Variants in FHIT observed in about 807,000 individuals in gnomAD.
The protein encoded by FHIT is fragile histidine triad diadenosine triphosphatase.
In FHIT, 19 loss-of-function variants were observed where a neutral mutation model predicts 17.9. The ratio of observed to expected loss-of-function variants is 1.06; its 90% confidence interval spans 0.74 to 1.56. FHIT has a LOEUF of 1.56. Among genes scored for constraint, FHIT ranks in the 40% most tolerant of loss-of-function variants. The pLI, the probability that FHIT is intolerant of heterozygous loss-of-function variation, is 0.00. For synonymous variants in FHIT, 81 were observed against 69.7 expected (o/e 1.16, Z -0.81); for missense variants, 248 against 189.2 (o/e 1.31, Z -1.82).
chr3:61,091,585 T>C (rs17687542), intron 2 of FHIT, among the ~76,000 whole-genome samples: 14,974 of 151,832 alleles, frequency 0.099, 836 homozygotes, highest in South Asian at 0.19. Context: ...GTTAGCAAAA[T>C]AGAAAAGAGA....
At chr3:60,167,357 T>C (rs1008007539) in intron 5 of FHIT, among the ~76,000 whole-genome samples, 3 of 152,194 alleles carry the variant, frequency 2.0e-5, no homozygotes, top group Non-Finnish European at 2.9e-5. Flanking sequence ...CTAGTAGGAA[T>C]TATCTAATCA....
At chr3:60,805,812 G>C (rs1243679792) in intron 4 of FHIT, among the ~76,000 whole-genome samples, 1 of 152,104 alleles carries the variant, frequency 6.6e-6, no homozygotes, top group Admixed American at 6.5e-5. Flanking sequence ...GCCCACCTCG[G>C]CCTCCCAAAG....
chr3:60,139,681 C>T (rs1576185604), intron 5 of FHIT, among the ~76,000 whole-genome samples: 1 of 152,118 alleles, frequency 6.6e-6, no homozygotes, highest in South Asian at 2.1e-4. Flanking sequence ...ATTTCTAGAA[C>T]ATAGCACAGT....
chr3:59,879,602 A>G (rs73100635), intron 8 of FHIT, among the ~76,000 whole-genome samples: 3,323 of 152,128 alleles, frequency 0.022, 45 homozygotes, highest in South Asian at 0.063. Context: ...GGACTGCTCC[A>G]AAAAAAACCC....
At chr3:61,059,426 C>T (rs2034348623) in intron 2 of FHIT, among the ~76,000 whole-genome samples, 1 of 145,140 alleles carries the variant, frequency 6.9e-6, no homozygotes, top group African/African-American at 2.6e-5. Flanking sequence ...ATTGAATACC[C>T]ATAAACTGAA....
chr3:59,763,917 G>A (rs1044086640), intron 8 of FHIT, among the ~76,000 whole-genome samples: 3 of 152,188 alleles, frequency 2.0e-5, no homozygotes, highest in East Asian at 1.9e-4. Context: ...GCTAGAAGAC[G>A]AGAGACTGAA....
chr3:60,526,433 C>T (rs565281300), intron 5 of FHIT, among the ~76,000 whole-genome samples: 2 of 152,124 alleles, frequency 1.3e-5, no homozygotes, highest in Non-Finnish European at 1.5e-5. Context: ...CCTAGTGGTG[C>T]CTGCCTCCTA....
chr3:60,712,210 T>C (rs1190876240), intron 4 of FHIT, among the ~76,000 whole-genome samples: 2 of 152,074 alleles, frequency 1.3e-5, no homozygotes, highest in Non-Finnish European at 2.9e-5. Flanking sequence ...TAAAATCCTT[T>C]ACAGACAAGC....
intron 2 of FHIT, among the ~76,000 whole-genome samples, chr3:61,116,278 T>G (rs1437504900): frequency 6.6e-6 from 1 of 152,170 alleles, no homozygotes; most frequent in African/African-American, 2.4e-5. Flanking sequence ...TGTTACTGCA[T>G]AATATCATTA....
At chr3:60,014,763 T>C (rs910279515) in intron 5 of FHIT, among the ~76,000 whole-genome samples, 1 of 149,514 alleles carries the variant, frequency 6.7e-6, no homozygotes, top group Non-Finnish European at 1.5e-5. Flanking sequence ...CTCAGACTAA[T>C]TTTTTTTTTA....
At chr3:60,309,899 T>A (rs532182384) in intron 5 of FHIT, among the ~76,000 whole-genome samples, 74 of 152,304 alleles carry the variant, frequency 4.9e-4, no homozygotes, top group African/African-American at 1.6e-3. Flanking sequence ...TTACTTACTA[T>A]AATTTTTAAA....
At chr3:60,397,324 C>T (rs987613751) in intron 5 of FHIT, among the ~76,000 whole-genome samples, 1 of 152,066 alleles carries the variant, frequency 6.6e-6, no homozygotes, top group African/African-American at 2.4e-5. Flanking sequence ...GAAGAACTTC[C>T]AGACCATGAT....
At chr3:60,921,169 A>G (rs73838622) in intron 3 of FHIT, among the ~76,000 whole-genome samples, 5,019 of 152,184 alleles carry the variant, frequency 0.033, 276 homozygotes, top group African/African-American at 0.11. Flanking sequence ...TAAAATTCCA[A>G]AGGTGGACCA....
At chr3:60,039,014 T>C (rs1014964193) in intron 5 of FHIT, among the ~76,000 whole-genome samples, 1 of 152,272 alleles carries the variant, frequency 6.6e-6, no homozygotes, top group Admixed American at 6.5e-5. Context: ...CTCTGAACTT[T>C]CATGACACTC....
At chr3:60,419,391 C>G (rs1342832861) in intron 5 of FHIT, among the ~76,000 whole-genome samples, 1 of 152,164 alleles carries the variant, frequency 6.6e-6, no homozygotes, top group African/African-American at 2.4e-5. Flanking sequence ...TCTAATTTGC[C>G]AAATGTTAAA....
rs57549363 is a variant in FHIT, at chr3:59,764,863, AAC to A, written c.349-12544_349-12543del. On this transcript the variant is annotated intron_variant, in intron 8 of 9. Transcript: ENST00000492590. ...GCAACAGAGATGTAAGGCAACTGCA[AAC>A]ACACACACACACACACACACACACA... Among the ~76,000 whole-genome samples, 1,106 of 145,612 alleles carry A rather than the reference AAC, an allele frequency of 7.6e-3. 11 individuals are homozygous for A. Among genetic ancestry groups the A allele is most frequent in the African/African-American group, 0.022 (820 of 37,936 alleles).
At chr3:59,771,395 A>G (rs530758381) in intron 8 of FHIT, among the ~76,000 whole-genome samples, 3 of 152,300 alleles carry the variant, frequency 2.0e-5, no homozygotes, top group African/African-American at 7.2e-5. Context: ...AAAAAAGACA[A>G]TTCTCCAAGA....
intron 5 of FHIT, among the ~76,000 whole-genome samples, chr3:60,140,575 ATT>A (rs10540921): frequency 0.11 from 13,886 of 128,840 alleles, 774 homozygotes; most frequent in Non-Finnish European, 0.15. Flanking sequence ...CACAGACTCT[ATT>A]TTTTTTTTTT....
At chr3:59,840,455 T>C (rs1318098686) in intron 8 of FHIT, among the ~76,000 whole-genome samples, 2 of 152,112 alleles carry the variant, frequency 1.3e-5, no homozygotes, top group African/African-American at 4.8e-5. Flanking sequence ...CTCTTCATTT[T>C]TGAATGTTGG....
Sources: gnomAD v4.1 joint callset for allele counts (sites outside exome capture counted in the v4.1 genomes callset) on GRCh38, gnomAD v4.1.1 for gene constraint, MANE v1.5 for transcripts, NCBI Gene and HGNC (gene_info 2026-07-23, HGNC 2026-07-21) for gene names.